Variants in SP100 observed in about 807,000 individuals in gnomAD.
The protein encoded by SP100 is SP100 nuclear body protein, also known as nuclear autoantigen Sp-100.
In SP100, 84 loss-of-function variants were observed where a neutral mutation model predicts 130.0. The observed-to-expected ratio is 0.65, with a 90% CI of 0.54 to 0.77. The LOEUF (loss-of-function observed/expected upper bound fraction) is 0.77, where lower values mean the gene tolerates loss of function less well. Ranked by LOEUF, SP100 falls within the 30% of genes least tolerant of loss-of-function variation. The pLI is 0.00. For synonymous variants in SP100, 331 were observed against 351.7 expected, an observed-to-expected ratio of 0.94 and a Z score of 0.66; for missense variants, 978 against 1,052.2, an observed-to-expected ratio of 0.93 and a Z score of 0.97.
intron 24 of SP100, among the ~76,000 whole-genome samples, chr2:230,531,967 T>C (rs1160836883): frequency 6.6e-6 from 1 of 152,046 alleles, no homozygotes; most frequent in Non-Finnish European, 1.5e-5. Flanking sequence ...CTCCTTTGGA[T>C]TTTCCTTATA....
At chr2:230,519,095 T>C (rs1691051461) in intron 24 of SP100, among the ~76,000 whole-genome samples, 9 of 152,224 alleles carry the variant, frequency 5.9e-5, no homozygotes, top group Admixed American at 5.9e-4. Context: ...ACTGAAGCCC[T>C]TAATGAGTGT....
chr2:230,460,450 T>C lies in SP100; in HGVS notation c.821-812T>C, dbSNP rs1472730295. 2.6e-5 allele frequency among the ~76,000 whole-genome samples: 4 copies of C among 152,072 alleles called. No homozygotes were observed. In the East Asian group the frequency reaches 7.7e-4, roughly 29 times the overall value. On this transcript the variant is annotated intron_variant, in intron 8 of 28. Transcript: ENST00000340126. ...AAGAAAGAGTGGAGAGAAAAGAGAT[T>C]ATTCCATTTTTATAAATTACACAAC...
At chr2:230,420,962 AC>A (rs1289441470) in intron 2 of SP100, among the ~76,000 whole-genome samples, 1 of 152,186 alleles carries the variant, frequency 6.6e-6, no homozygotes, top group East Asian at 1.9e-4. Flanking sequence ...GAAGATGAAG[AC>A]TTTTTCCATA....
At chr2:230,473,815 G>A (rs2065395943) in intron 16 of SP100, among the ~76,000 whole-genome samples, 1 of 151,572 alleles carries the variant, frequency 6.6e-6, no homozygotes, top group Non-Finnish European at 1.5e-5. Context: ...AAACATAGTA[G>A]TATCTCACTA....
intron 13 of SP100, 183 bp from the exon 14 acceptor site, chr2:230,468,860 A>T: frequency 2.6e-5 from 8 of 312,878 alleles, no homozygotes; most frequent in Admixed American, 1.0e-4. Flanking sequence ...TTTTGCAATT[A>T]GGGCTAAAGG....
At chr2:230,486,083 G>A (rs1165941024) in intron 17 of SP100, among the ~76,000 whole-genome samples, 2 of 144,748 alleles carry the variant, frequency 1.4e-5, no homozygotes, top group Admixed American at 6.9e-5. Context: ...AAAAAAAGAG[G>A]TATAATTGAC....
chr2:230,450,027 G>A (rs1233786111), intron 7 of SP100, 145 bp from the exon 8 acceptor site: 12 of 637,930 alleles, frequency 1.9e-5, no homozygotes, highest in Admixed American at 1.3e-4. Context: ...AATGAAGCAC[G>A]AACACCTTCA....
chr2:230,483,968 A>G (rs781317555), intron 17 of SP100, among the ~76,000 whole-genome samples: 5 of 152,186 alleles, frequency 3.3e-5, no homozygotes, highest in Non-Finnish European at 7.3e-5. Flanking sequence ...ATTTATTACT[A>G]TTGAACTCAT....
At chr2:230,518,738 T>G (rs1386150256) in intron 24 of SP100, among the ~76,000 whole-genome samples, 1 of 152,118 alleles carries the variant, frequency 6.6e-6, no homozygotes, top group African/African-American at 2.4e-5. Context: ...GTCAACCAAT[T>G]TTATAGCCTG....
At chr2:230,537,070 C>A (rs1034206857) in intron 24 of SP100, among the ~76,000 whole-genome samples, 2 of 152,128 alleles carry the variant, frequency 1.3e-5, no homozygotes, top group African/African-American at 4.8e-5. Context: ...CCAGCCTGGG[C>A]AACATGGCAA....
intron 27 of SP100, 124 bp from the exon 28 acceptor site, chr2:230,541,768 T>C: frequency 9.9e-7 from 1 of 1,007,126 alleles, no homozygotes; most frequent in Non-Finnish European, 1.4e-6. Flanking sequence ...CACCTCCTAG[T>C]ACCTTCACAG....
intron 22 of SP100, 32 bp from the exon 23 acceptor site, chr2:230,507,961 C>T (rs1296692027): frequency 6.2e-7 from 1 of 1,605,922 alleles, no homozygotes; most frequent in East Asian, 2.2e-5. Context: ...AAGCAAGAAC[C>T]CATCAAATCA....
At chr2:230,435,642 G>A (rs1041081197) in intron 2 of SP100, among the ~76,000 whole-genome samples, 6 of 152,088 alleles carry the variant, frequency 3.9e-5, no homozygotes, top group Admixed American at 6.5e-5. Context: ...ATGGTGATTC[G>A]CTGTGTGATT....
chr2:230,460,592 C>CTTTTTTTTT lies in SP100; in HGVS notation c.821-636_821-628dup, dbSNP rs1193506734. 2.3e-4 allele frequency among the ~76,000 whole-genome samples: 4 copies of CTTTTTTTTT among 17,196 alleles called. 1 individual carries two copies. The highest frequency in any genetic ancestry group is 3.7e-4 in the Non-Finnish European group (4 of 10,786). The allele number at this position is 17,196 out of a possible 152,430, so 11.3% of individuals were successfully genotyped here. A position where few individuals can be genotyped will look rare whatever the true frequency, so the allele number is the denominator to read the frequency against. On this transcript the variant is annotated intron_variant, in intron 8 of 28. Transcript: ENST00000340126. ...TGTCTGGGGTATTGGTAATCTGTTTCTTTTTTTTTTTTTTTTTTTTTTTTT... is the reference window on the plus strand; with the variant it reads ...TGTCTGGGGTATTGGTAATCTGTTTCTTTTTTTTTTTTTTTTTTTTTTTTTTTTTTTTTT...
At chr2:230,451,289 T>C (rs1157128785) in intron 8 of SP100, among the ~76,000 whole-genome samples, 1 of 152,210 alleles carries the variant, frequency 6.6e-6, no homozygotes, top group Admixed American at 6.5e-5. Context: ...CTGCACATCC[T>C]CACCAACATT....
At chr2:230,478,890 G>A (rs1470260312) in intron 17 of SP100, among the ~76,000 whole-genome samples, 2 of 151,884 alleles carry the variant, frequency 1.3e-5, no homozygotes, top group Non-Finnish European at 2.9e-5. Flanking sequence ...GTGCAATCTC[G>A]GCTCACTGCA....
intron 17 of SP100, among the ~76,000 whole-genome samples, chr2:230,478,476 G>T (rs572681974): frequency 6.6e-6 from 1 of 152,288 alleles, no homozygotes; most frequent in East Asian, 1.9e-4. Flanking sequence ...GAACAAATCA[G>T]TAACGGTTAT....
intron 24 of SP100, among the ~76,000 whole-genome samples, chr2:230,527,568 C>T (rs1223645646): frequency 6.6e-6 from 1 of 152,164 alleles, no homozygotes; most frequent in Non-Finnish European, 1.5e-5. Context: ...CAAACTCAAA[C>T]ATAACAGTAT....
At chr2:230,466,619 T>C (rs980288442) in intron 12 of SP100, among the ~76,000 whole-genome samples, 1 of 152,186 alleles carries the variant, frequency 6.6e-6, no homozygotes, top group Non-Finnish European at 1.5e-5. Flanking sequence ...AGTTTGTATT[T>C]TTTTCAACTG....
Sources: allele counts gnomAD v4.1 joint callset (sites outside exome capture counted in the v4.1 genomes callset), GRCh38; gene constraint gnomAD v4.1.1; transcripts MANE v1.5; gene names NCBI Gene and HGNC (gene_info 2026-07-23, HGNC 2026-07-21).